The following GLYATL1 variants were observed in gnomAD, a reference collection of about 807,000 sequenced individuals.
The protein encoded by GLYATL1 is glycine-N-acyltransferase like 1, also known as glycine N-acyltransferase-like protein 1.
A neutral mutation model predicts 20.0 loss-of-function variants in GLYATL1; 15 were observed. The observed-to-expected ratio is 0.75, with a 90% CI of 0.50 to 1.15. The LOEUF (loss-of-function observed/expected upper bound fraction) is 1.15, where lower values mean the gene tolerates loss of function less well. Ranked by LOEUF, GLYATL1 falls within the 50% of genes most tolerant of loss-of-function variation. The pLI is 0.00. For missense variants in GLYATL1, 380 were observed against 368.5 expected (o/e 1.03, Z -0.26); for synonymous variants, 151 against 131.5 (o/e 1.15, Z -1.01).
chr11:58,949,755 A>G (rs1291776112), intron 4 of GLYATL1, among the ~76,000 whole-genome samples: 1 of 152,142 alleles, frequency 6.6e-6, no homozygotes, highest in East Asian at 1.9e-4. Context: ...GTCTGATTCC[A>G]TAGCATACCA....
chr11:58,916,199 C>T (rs1855167606), intron 1 of GLYATL1, among the ~76,000 whole-genome samples: 1 of 152,176 alleles, frequency 6.6e-6, no homozygotes. Context: ...CACTTTCACT[C>T]TTTTGGCATG....
intron 3 of GLYATL1, 109 bp downstream of exon 3, chr11:58,947,274 G>A (rs1856638465): frequency 7.0e-7 from 1 of 1,431,166 alleles, no homozygotes; most frequent in Admixed American, 2.5e-5. Flanking sequence ...GGTTGGAGCT[G>A]GGAAACAGGA....
At chr11:58,943,726 C>G in intron 2 of GLYATL1, 60 bp downstream of exon 2, 1 of 1,588,742 alleles carries the variant, frequency 6.3e-7, no homozygotes, top group East Asian at 2.2e-5. Flanking sequence ...CTCTGAGTTG[C>G]TTGGAGCAAA....
rs78522367 is a variant in GLYATL1 at position 58,943,110 on chromosome 11, T to C, written c.-166-433T>C. 2,157 of 639,654 alleles carry C rather than the reference T, an allele frequency of 3.4e-3. 35 individuals are homozygous for C. The African/African-American group carries it at 0.036, about 11-fold the overall frequency. 39.6% of individuals were successfully genotyped at this position (639,654 alleles called of 1,614,324 possible). Reference sequence around the variant, plus strand: ...CCTTTCAATAAATTTTGCTACAAACTGTTGAAACAAACTAATTACAGCCTG... The same window carrying C: ...CCTTTCAATAAATTTTGCTACAAACCGTTGAAACAAACTAATTACAGCCTG... On this transcript the variant is annotated intron_variant, in intron 1 of 6. Transcript: ENST00000532726.
chr11:58,925,885 A>C (rs1376040156), upstream of GLYATL1, among the ~76,000 whole-genome samples: 1 of 152,158 alleles, frequency 6.6e-6, no homozygotes, highest in Non-Finnish European at 1.5e-5. Context: ...GGAATGTTGA[A>C]TATTCCACGT....
intron 4 of GLYATL1, among the ~76,000 whole-genome samples, chr11:58,952,030 C>A (rs1857030397): frequency 8.7e-6 from 1 of 114,286 alleles, no homozygotes; most frequent in Non-Finnish European, 1.8e-5. Context: ...TAATATGCAA[C>A]CTAAGGAAAC....
intron 4 of GLYATL1, among the ~76,000 whole-genome samples, chr11:58,951,750 A>G (rs1297122917): frequency 2.0e-5 from 3 of 151,940 alleles, no homozygotes; most frequent in Non-Finnish European, 4.4e-5. Context: ...ACCCTTAGGT[A>G]TTTTATACTA....
chr11:58,927,522 C>A (rs1015521321), upstream of GLYATL1: 1 of 152,276 alleles, frequency 6.6e-6, no homozygotes, highest in Admixed American at 6.5e-5. Flanking sequence ...ACCCCAGCCT[C>A]CCCTTGGGCT....
chr11:58,943,502 C>T, intron 1 of GLYATL1, 41 bp from the exon 2 acceptor site: 4 of 1,558,644 alleles, frequency 2.6e-6, no homozygotes, highest in Non-Finnish European at 3.5e-6. Flanking sequence ...CTTAATGAAA[C>T]TCCTTTAAGT....
chr11:58,907,139 A>T, intron 1 of GLYATL1: 1 of 370,908 alleles, frequency 2.7e-6, no homozygotes, highest in East Asian at 7.3e-5. Context: ...GGCCTTGGAA[A>T]GTTTTCTCAG....
rs774674869 is a variant in GLYATL1 at position 58,947,026 on chromosome 11, T to G, written c.-42-20T>G. ...TCATTTGTTTCCTTAACATTTTCCC[T>G]TCATTTCTTATCTTTTCAGAGTTTC... On this transcript the variant is annotated intron_variant, in intron 2 of 6. Transcript: ENST00000532726. The G allele has an allele frequency of 1.3e-6, 2 of 1,583,690 alleles. No individual in the cohort carries two copies. The highest frequency in any genetic ancestry group is 1.3e-5 in the African/African-American group (1 of 74,318).
chr11:58,926,708 C>T (rs1401616024), upstream of GLYATL1, among the ~76,000 whole-genome samples: 1 of 152,172 alleles, frequency 6.6e-6, no homozygotes, highest in African/African-American at 2.4e-5. Flanking sequence ...TAGCAATTGA[C>T]TGCATTAATC....
intron 1 of GLYATL1, chr11:58,943,332 C>T: frequency 1.9e-6 from 3 of 1,550,660 alleles, no homozygotes; most frequent in Non-Finnish European, 2.6e-6. Context: ...GGCAAGCGCC[C>T]AGTTGTAACC....
At chr11:58,940,496 C>T (rs911645831) in intron 1 of GLYATL1, among the ~76,000 whole-genome samples, 6 of 151,988 alleles carry the variant, frequency 3.9e-5, no homozygotes, top group South Asian at 2.1e-4. Flanking sequence ...ATATGTATTA[C>T]GTTAAATGTT....
Position 58,955,799 on chromosome 11 carries a change from TG to T in GLYATL1, c.682del (p.Glu228LysfsTer2). 1 of 1,614,132 alleles carries T rather than the reference TG, an allele frequency of 6.2e-7. No homozygotes were observed. Among genetic ancestry groups the T allele is most frequent in the Non-Finnish European group, 8.5e-7 (1 of 1,180,030 alleles). On this transcript the variant is annotated frameshift_variant, in exon 7 of 7. Coordinates refer to ENST00000532726, the MANE Select transcript of GLYATL1 (RefSeq NM_001389712.2). LOFTEE classifies it low-confidence loss of function (END_TRUNC). ...VSWVTMDPSC[E>X]VGMAYSMEKY... The stretch of plus-strand genomic sequence containing the variant: ...CATGGGTAACCATGGACCCTTCTTG[TG>T]AAGTAGGAATGGCCTACAGCATGGA...
chr11:58,946,003 A>G (rs1200330718), intron 2 of GLYATL1, among the ~76,000 whole-genome samples: 1 of 152,234 alleles, frequency 6.6e-6, no homozygotes, highest in Non-Finnish European at 1.5e-5. Flanking sequence ...CTTCATGGAT[A>G]AAAAATTTCA....
chr11:58,915,237 C>T (rs991253154), intron 1 of GLYATL1, among the ~76,000 whole-genome samples: 1 of 152,184 alleles, frequency 6.6e-6, no homozygotes, highest in Non-Finnish European at 1.5e-5. Context: ...TGCAGATTAC[C>T]CAATTCAGTA....
intron 2 of GLYATL1, chr11:58,946,690 C>A (rs891054740): frequency 1.7e-5 from 4 of 240,968 alleles, no homozygotes; most frequent in East Asian, 1.1e-4. Flanking sequence ...AAGAAGAATT[C>A]TCAGGCATAT....
At chr11:58,927,396 AG>A (rs1855452280), upstream of GLYATL1, among the ~76,000 whole-genome samples, 1 of 152,232 alleles carries the variant, frequency 6.6e-6, no homozygotes, top group Non-Finnish European at 1.5e-5. Flanking sequence ...GCAAAGCTAG[AG>A]AGTCAGGCAG....
Sources: allele counts gnomAD v4.1 joint callset (sites outside exome capture counted in the v4.1 genomes callset), GRCh38; gene constraint gnomAD v4.1.1; transcripts MANE v1.5; gene names NCBI Gene and HGNC (gene_info 2026-07-23, HGNC 2026-07-21).